Variants in SPATA6 observed in about 807,000 individuals in gnomAD.
SPATA6 encodes the protein spermatogenesis-associated protein 6.
A neutral mutation model predicts 65.3 loss-of-function variants in SPATA6; 56 were observed. That is an observed-to-expected ratio of 0.86 (90% CI 0.69 to 1.07). The LOEUF is 1.07. SPATA6 is among the 50% of genes least tolerant of loss of function. The probability of loss-of-function intolerance (pLI) is 0.00; values close to 1 mark genes in which losing one functional copy is unlikely to be tolerated. For missense variants in SPATA6, 590 were observed against 594.8 expected, an observed-to-expected ratio of 0.99 and a Z score of 0.08; for synonymous variants, 199 against 213.2, an observed-to-expected ratio of 0.93 and a Z score of 0.58.
chr1:48,325,525 C>A, intron 11 of SPATA6: 1 of 1,212,720 alleles, frequency 8.2e-7, no homozygotes, highest in South Asian at 1.2e-5. Context: ...CTGAATGTCA[C>A]CCGGGAGTTC....
chr1:48,375,374 G>A (rs1280069632), intron 9 of SPATA6, among the ~76,000 whole-genome samples: 1 of 152,132 alleles, frequency 6.6e-6, no homozygotes, highest in Non-Finnish European at 1.5e-5. Flanking sequence ...TCCTAGAGAA[G>A]TGAACAGATA....
chr1:48,314,728 C>G (rs1380319960), intron 11 of SPATA6, among the ~76,000 whole-genome samples: 1 of 151,576 alleles, frequency 6.6e-6, no homozygotes, highest in Non-Finnish European at 1.5e-5. Flanking sequence ...ACAAAAGACC[C>G]TTCAAAAAAT....
At chr1:48,355,849 A>G in intron 10 of SPATA6, 80 bp from the exon 11 acceptor site, 1 of 1,076,770 alleles carries the variant, frequency 9.3e-7, no homozygotes, top group South Asian at 1.4e-5. Context: ...TTTTCACAGT[A>G]TGTTCAACAA....
intron 5 of SPATA6, among the ~76,000 whole-genome samples, chr1:48,411,036 A>G (rs1225851888): frequency 6.6e-6 from 1 of 152,218 alleles, no homozygotes; most frequent in African/African-American, 2.4e-5. Flanking sequence ...CTGAATACTA[A>G]TGAGTTAGAG....
chr1:48,384,374 G>C (rs6663686), intron 9 of SPATA6, among the ~76,000 whole-genome samples: 1,614 of 17,010 alleles, frequency 0.095, 405 homozygotes, highest in African/African-American at 0.35. Context: ...GGGAGAGGGA[G>C]AGGGAGAGGG....
At chr1:48,431,600 G>A (rs1262284912) in intron 3 of SPATA6, among the ~76,000 whole-genome samples, 2 of 152,138 alleles carry the variant, frequency 1.3e-5, no homozygotes, top group South Asian at 4.1e-4. Context: ...ACCACAATGG[G>A]ATAAGGATCA....
At chr1:48,453,359 GC>G (rs1270309137) in intron 1 of SPATA6, among the ~76,000 whole-genome samples, 1 of 152,086 alleles carries the variant, frequency 6.6e-6, no homozygotes, top group African/African-American at 2.4e-5. Flanking sequence ...GGTTACTTGT[GC>G]CACATTTGAA....
At chr1:48,391,095 T>C (rs1360733242) in intron 8 of SPATA6, among the ~76,000 whole-genome samples, 2 of 151,416 alleles carry the variant, frequency 1.3e-5, no homozygotes, top group Non-Finnish European at 2.9e-5. Flanking sequence ...CCGGACACGG[T>C]GCCTGATACT....
At position 48,437,148 on chromosome 1, in the gene SPATA6, A is replaced by G. The variant is rs570237983; in HGVS notation, c.238+14404T>C. The G allele has an allele frequency of 2.2e-4, 350 of 1,603,472 alleles. 5 individuals carry two copies. The South Asian group carries it at 3.6e-3, about 16-fold the overall frequency. Reference sequence around the variant, plus strand: ...CTGCTTATAACAAGCCATCAATACCATTGCCTCCAGTGTTACCTTGGACTG... The same window carrying G: ...CTGCTTATAACAAGCCATCAATACCGTTGCCTCCAGTGTTACCTTGGACTG... On this transcript the variant is annotated intron_variant, in intron 3 of 12. Coordinates refer to ENST00000371847, the MANE Select transcript of SPATA6 (RefSeq NM_019073.4).
chr1:48,374,503 A>T (rs970412560), intron 9 of SPATA6, among the ~76,000 whole-genome samples: 1 of 152,184 alleles, frequency 6.6e-6, no homozygotes, highest in African/African-American at 2.4e-5. Flanking sequence ...ACAACATGAC[A>T]TTCTCATGAG....
At chr1:48,352,255 C>T (rs1250074116) in intron 11 of SPATA6, among the ~76,000 whole-genome samples, 1 of 151,954 alleles carries the variant, frequency 6.6e-6, no homozygotes, top group Non-Finnish European at 1.5e-5. Context: ...GAAAGACTTG[C>T]CCCCATGATT....
At chr1:48,327,307 CATG>C (rs1325331085) in intron 11 of SPATA6, among the ~76,000 whole-genome samples, 2 of 152,170 alleles carry the variant, frequency 1.3e-5, no homozygotes, top group Admixed American at 6.5e-5. Context: ...TATCATCTCA[CATG>C]CATCAGAATG....
intron 9 of SPATA6, among the ~76,000 whole-genome samples, chr1:48,373,341 T>C (rs1647512555): frequency 6.6e-6 from 1 of 152,122 alleles, no homozygotes; most frequent in Non-Finnish European, 1.5e-5. Context: ...TTTACAAGAG[T>C]CACCTTTATT....
In SPATA6 at chr1:48,448,492, GAA is replaced by G. The variant is rs199827948; in HGVS notation, c.238+3058_238+3059del. Among the ~76,000 whole-genome samples the G allele has an allele frequency of 4.3e-3, 587 of 136,602 alleles. 3 individuals are homozygous for G. Among genetic ancestry groups the G allele is most frequent in the Admixed American group, 5.9e-3 (82 of 13,854 alleles). The allele number at this position is 136,602 out of a possible 152,430, so 89.6% of individuals were successfully genotyped here. On this transcript the variant is annotated intron_variant, in intron 3 of 12. Transcript: ENST00000371847. ...ACAAGTTTATTCAGTGTCCCCACAGGAAAAAAAAAAAAAAAGACGTTCTCCAT... is the reference window on the plus strand; with the variant it reads ...ACAAGTTTATTCAGTGTCCCCACAGGAAAAAAAAAAAAAGACGTTCTCCAT...
In SPATA6 at chr1:48,388,970, C is replaced by CT. The variant is rs1310925249; in HGVS notation, c.869-3622dup. On this transcript the variant is annotated intron_variant, in intron 8 of 12. Coordinates refer to ENST00000371847, the MANE Select transcript of SPATA6 (RefSeq NM_019073.4). ...GTGTGATCTTTGCTCATTGCAATCT[C>CT]TGTCTCCTGGGTTCAAGCAGCTCTC... Among the ~76,000 whole-genome samples the CT allele has an allele frequency of 3.3e-5, 5 of 152,238 alleles. No homozygotes were observed. The South Asian group carries it at 8.3e-4, about 25-fold the overall frequency.
intron 11 of SPATA6, among the ~76,000 whole-genome samples, chr1:48,312,977 C>A (rs1051344199): frequency 6.6e-6 from 1 of 150,780 alleles, no homozygotes; most frequent in East Asian, 1.9e-4. Context: ...TGACATGAAG[C>A]GAGAAGTTTA....
At chr1:48,462,103 C>A (rs1657478938) in intron 1 of SPATA6, among the ~76,000 whole-genome samples, 3 of 151,692 alleles carry the variant, frequency 2.0e-5, no homozygotes, top group Non-Finnish European at 4.4e-5. Flanking sequence ...GACAAAAAAC[C>A]AAACACCGCA....
intron 7 of SPATA6, among the ~76,000 whole-genome samples, chr1:48,398,259 TTC>T (rs1570446774): frequency 6.6e-6 from 1 of 151,632 alleles, no homozygotes; most frequent in South Asian, 2.1e-4. Flanking sequence ...ACTATAAATT[TTC>T]TTTTATGATA....
At chr1:48,438,556 T>A (rs569896149) in intron 3 of SPATA6, among the ~76,000 whole-genome samples, 3 of 152,250 alleles carry the variant, frequency 2.0e-5, no homozygotes, top group Non-Finnish European at 4.4e-5. Context: ...AGGAAAGACA[T>A]TCAGCTCCAG....
Sources: gnomAD v4.1 joint callset for allele counts (sites outside exome capture counted in the v4.1 genomes callset) on GRCh38, gnomAD v4.1.1 for gene constraint, MANE v1.5 for transcripts, NCBI Gene and HGNC (gene_info 2026-07-23, HGNC 2026-07-21) for gene names.